Variants in IMMP2L observed in about 807,000 individuals in gnomAD.
IMMP2L encodes mitochondrial inner membrane protease subunit 2.
IMMP2L carries 18 observed loss-of-function variants against 19.3 expected under a neutral mutation model. The observed-to-expected ratio is 0.93, with a 90% CI of 0.64 to 1.38. IMMP2L has a LOEUF of 1.38. IMMP2L is among the 40% of genes most tolerant of loss of function. The pLI is 0.00. For missense variants in IMMP2L, 233 were observed against 218.2 expected (o/e 1.07, Z -0.43); for synonymous variants, 76 against 73.0 (o/e 1.04, Z -0.21).
At chr7:110,944,392 A>C in intron 4 of IMMP2L, among the ~76,000 whole-genome samples, 1 of 151,740 alleles carries the variant, frequency 6.6e-6, no homozygotes, top group East Asian at 1.9e-4. Context: ...ACATGAACAC[A>C]AGAAGATAAG....
chr7:111,253,505 G>T (rs1381720522), intron 3 of IMMP2L, among the ~76,000 whole-genome samples: 1 of 152,090 alleles, frequency 6.6e-6, no homozygotes, highest in African/African-American at 2.4e-5. Flanking sequence ...GTGAAAGGAG[G>T]CTGCATATGA....
intron 3 of IMMP2L, among the ~76,000 whole-genome samples, chr7:111,141,208 CA>C (rs1398885213): frequency 6.6e-6 from 1 of 151,918 alleles, no homozygotes; most frequent in East Asian, 1.9e-4. Context: ...CACCAAATTC[CA>C]TACTTATAAT....
intron 5 of IMMP2L, among the ~76,000 whole-genome samples, chr7:110,670,436 T>A (rs375755773): frequency 8.7e-4 from 133 of 152,256 alleles, no homozygotes; most frequent in African/African-American, 3.1e-3. Flanking sequence ...AAGCCTGTAA[T>A]CCCAGCACTT....
chr7:111,202,027 T>C (rs534462816), intron 3 of IMMP2L, among the ~76,000 whole-genome samples: 4 of 152,290 alleles, frequency 2.6e-5, no homozygotes, highest in African/African-American at 9.6e-5. Flanking sequence ...CCAAGCCACA[T>C]GCAAAACTAG....
At chr7:111,529,245 C>T (rs1013510704) in intron 1 of IMMP2L, among the ~76,000 whole-genome samples, 24 of 152,230 alleles carry the variant, frequency 1.6e-4, no homozygotes, top group African/African-American at 5.5e-4. Flanking sequence ...TAACCTGGCT[C>T]GGCAAACAGA....
intron 3 of IMMP2L, among the ~76,000 whole-genome samples, chr7:111,121,554 G>A (rs1800619507): frequency 6.6e-6 from 1 of 152,146 alleles, no homozygotes; most frequent in African/African-American, 2.4e-5. Context: ...CAGTTAGAAT[G>A]GCAATCATTA....
At chr7:111,078,426 C>A (rs1795596184) in intron 3 of IMMP2L, among the ~76,000 whole-genome samples, 1 of 152,162 alleles carries the variant, frequency 6.6e-6, no homozygotes. Flanking sequence ...ACTGCATTAT[C>A]TGCATTATTC....
rs969893576 is a variant in IMMP2L at position 111,014,088 on chromosome 7, G to T, written c.240-50523C>A. Reference sequence around the variant, plus strand: ...TCAAATATAAGTACAAACAGGCCAGGTGTGGTGCCTCACGCCTATAATCCC... The same window carrying T: ...TCAAATATAAGTACAAACAGGCCAGTTGTGGTGCCTCACGCCTATAATCCC... On this transcript the variant is annotated intron_variant, in intron 3 of 5. Coordinates refer to ENST00000405709, the MANE Select transcript of IMMP2L (RefSeq NM_032549.4). Among the ~76,000 whole-genome samples, 5 of 152,270 alleles carry T rather than the reference G, an allele frequency of 3.3e-5. No individual in the cohort carries two copies. In the East Asian group the frequency reaches 7.7e-4, roughly 24 times the overall value.
chr7:111,453,401 G>A (rs1024540281), intron 3 of IMMP2L, among the ~76,000 whole-genome samples: 3 of 152,038 alleles, frequency 2.0e-5, no homozygotes, highest in Admixed American at 6.6e-5. Flanking sequence ...TGATCAGCAC[G>A]GCCCTTCAAA....
At chr7:111,004,986 T>C (rs1438672845) in intron 3 of IMMP2L, among the ~76,000 whole-genome samples, 1 of 152,152 alleles carries the variant, frequency 6.6e-6, no homozygotes, top group Non-Finnish European at 1.5e-5. Context: ...CCCAGGTTGC[T>C]ATAAGATCCA....
intron 3 of IMMP2L, among the ~76,000 whole-genome samples, chr7:111,371,142 C>T (rs1183045093): frequency 1.3e-5 from 2 of 151,864 alleles, no homozygotes; most frequent in African/African-American, 4.8e-5. Context: ...TAGCTGCCCT[C>T]AAAATACATA....
At chr7:111,253,677 T>A (rs986898491) in intron 3 of IMMP2L, among the ~76,000 whole-genome samples, 1 of 152,078 alleles carries the variant, frequency 6.6e-6, no homozygotes, top group Non-Finnish European at 1.5e-5. Context: ...GCAAACTAAT[T>A]GAGGTCAAGA....
intron 4 of IMMP2L, among the ~76,000 whole-genome samples, chr7:110,953,573 G>A (rs942783958): frequency 1.3e-5 from 2 of 152,044 alleles, no homozygotes; most frequent in Non-Finnish European, 2.9e-5. Flanking sequence ...TATCATTGAT[G>A]GGCATTTAGG....
At chr7:111,296,323 T>C (rs181186834) in intron 3 of IMMP2L, among the ~76,000 whole-genome samples, 5 of 151,822 alleles carry the variant, frequency 3.3e-5, no homozygotes, top group East Asian at 3.9e-4. Flanking sequence ...GAAATACCAA[T>C]ACATGAAATT....
intron 5 of IMMP2L, among the ~76,000 whole-genome samples, chr7:110,713,818 A>G (rs1795057973): frequency 6.6e-6 from 1 of 152,132 alleles, no homozygotes; most frequent in Non-Finnish European, 1.5e-5. Flanking sequence ...GAAGTCATTT[A>G]TCAGTTCCAG....
chr7:111,159,182 G>A (rs971940702), intron 3 of IMMP2L, among the ~76,000 whole-genome samples: 1 of 152,198 alleles, frequency 6.6e-6, no homozygotes, highest in South Asian at 2.1e-4. Flanking sequence ...GTAGCATGAT[G>A]TCGACTCACT....
intron 4 of IMMP2L, among the ~76,000 whole-genome samples, chr7:110,957,619 T>A (rs1207896158): frequency 6.6e-6 from 1 of 151,990 alleles, no homozygotes; most frequent in Non-Finnish European, 1.5e-5. Context: ...TCAGATCTAA[T>A]CTTACTTCAG....
intron 3 of IMMP2L, among the ~76,000 whole-genome samples, chr7:111,485,286 G>C (rs922702328): frequency 2.0e-5 from 3 of 151,994 alleles, no homozygotes; most frequent in Non-Finnish European, 4.4e-5. Context: ...CAAAGATATA[G>C]CACATAACTG....
rs536907590 is a variant in IMMP2L at position 111,269,341 on chromosome 7, T to C, written c.239+217897A>G. Among the ~76,000 whole-genome samples, 10 of 152,300 alleles carry C rather than the reference T, an allele frequency of 6.6e-5. No individual in the cohort carries two copies. The South Asian group carries it at 2.1e-3, about 32-fold the overall frequency. On this transcript the variant is annotated intron_variant, in intron 3 of 5. Coordinates refer to ENST00000405709, the MANE Select transcript of IMMP2L (RefSeq NM_032549.4). Reference sequence around the variant, plus strand: ...AAATGCAATCCATATAGAAAGACATTATTCATATGGAAAGACTGAACAAAT... The same window carrying C: ...AAATGCAATCCATATAGAAAGACATCATTCATATGGAAAGACTGAACAAAT...
Sources: allele counts gnomAD v4.1 joint callset (sites outside exome capture counted in the v4.1 genomes callset), GRCh38; gene constraint gnomAD v4.1.1; transcripts MANE v1.5; gene names NCBI Gene and HGNC (gene_info 2026-07-23, HGNC 2026-07-21).